RP1L1: variants seen among roughly 807,000 people sequenced by gnomAD.
The protein encoded by RP1L1 is RP1 like 1, also known as retinitis pigmentosa 1-like 1 protein.
In RP1L1, 27 loss-of-function variants were observed where a neutral mutation model predicts 15.7. That is an observed-to-expected ratio of 1.72 (90% CI 1.27 to 2.38). The LOEUF (loss-of-function observed/expected upper bound fraction) is 2.38, where lower values mean the gene tolerates loss of function less well. RP1L1 is among the 30% of genes most tolerant of loss of function. The probability of loss-of-function intolerance (pLI) is 0.00; values close to 1 mark genes in which losing one functional copy is unlikely to be tolerated. For missense variants in RP1L1, 4,798 were observed against 3,075.9 expected (o/e 1.56, Z -13.24); for synonymous variants, 1,813 against 1,276.7 (o/e 1.42, Z -8.96).
chr8:10,611,015 A>G lies in RP1L1; in HGVS notation c.3083T>C (p.Leu1028Pro). 2 of 1,612,692 alleles carry G rather than the reference A, an allele frequency of 1.2e-6. No homozygotes were observed. Among genetic ancestry groups the G allele is most frequent in the Non-Finnish European group, 1.7e-6 (2 of 1,179,962 alleles). ...GGGACCAGTGTCACTACTCCCCAGG[A>G]GGGCTCCCTCTGGCTCTGGGTCCTG... ...PGQDPEPEGA[L>P]LGSSDTGPQS... The change falls in exon 4 of 4, where the codon CTC (leucine) becomes CCC (proline). Residue 1028 changes from leucine to proline, a missense_variant. By Grantham distance (98) the Leu-to-Pro change is moderately conservative. Coordinates refer to ENST00000382483, the MANE Select transcript of RP1L1 (RefSeq NM_178857.6).
At chr8:10,631,407 G>A (rs28556730) in intron 1 of RP1L1, among the ~76,000 whole-genome samples, 25 of 121,024 alleles carry the variant, frequency 2.1e-4, no homozygotes, top group Admixed American at 3.1e-4. Context: ...GCACACACAC[G>A]CACACACGCA....
chr8:10,612,450 C>G lies in RP1L1; in HGVS notation c.1648G>C (p.Gly550Arg), dbSNP rs1395798175. Residue 550 changes from glycine to arginine, a missense_variant, in exon 4 of 4, where the codon GGG becomes CGG. By Grantham distance (125) the Gly-to-Arg change is moderately radical. Transcript: ENST00000382483. Reference protein sequence around the residue: ...GSHEGSSEWGGRPQGCPGKAR... With the variant: ...GSHEGSSEWGRRPQGCPGKAR... ...TTGCCTGGACAGCCCTGGGGCCGCC[C>G]ACCCCATTCGCTGGATCCCTCATGA... is the stretch of plus-strand genomic sequence containing the variant. 3.1e-6 allele frequency: 5 copies of G among 1,612,726 alleles called. No individual in the cohort carries two copies. Among genetic ancestry groups the G allele is most frequent in the Non-Finnish European group, 4.2e-6 (5 of 1,180,006 alleles).
chr8:10,623,157 C>G lies in RP1L1; in HGVS notation c.45G>C (p.Glu15Asp). The G allele has an allele frequency of 6.3e-7, 1 of 1,591,008 alleles. No individual in the cohort carries two copies. The highest frequency in any genetic ancestry group is 8.6e-7 in the Non-Finnish European group (1 of 1,167,350). Residue 15 changes from glutamate to aspartate, a missense_variant, in exon 2 of 4, where the codon GAG becomes GAC. Physicochemically the swap from Glu to Asp is conservative, Grantham distance 45. Transcript: ENST00000382483. ...PRNAQAPSHR[E>D]CFLPSVARTP... ...TGCGAGCCACAGAGGGCAGGAAGCA[C>G]TCACGGTGGCTCGGGGCCTGGGCAT...
At chr8:10,637,826 C>T (rs1011525282) in intron 1 of RP1L1, among the ~76,000 whole-genome samples, 5 of 152,210 alleles carry the variant, frequency 3.3e-5, no homozygotes, top group Non-Finnish European at 7.3e-5. Context: ...AATGGATCAG[C>T]TTCAAGATCA....
chr8:10,629,469 G>C (rs1000044667), intron 1 of RP1L1, among the ~76,000 whole-genome samples: 7 of 152,186 alleles, frequency 4.6e-5, no homozygotes, highest in Admixed American at 1.3e-4. Flanking sequence ...GGTCCTGGTG[G>C]AACTGGGAAT....
Position 10,606,955 on chromosome 8 carries a change from G to T in RP1L1, c.7143C>A (p.Leu2381=), listed in dbSNP as rs112520779. 279 of 1,614,230 alleles carry T rather than the reference G, an allele frequency of 1.7e-4. No individual in the cohort carries two copies. Among genetic ancestry groups the T allele is most frequent in the Non-Finnish European group, 2.2e-4 (263 of 1,180,052 alleles). The part of the protein sequence containing the change: ...DLQEDQALGS[L]APTEAVGRAD... ...CCCTGCCCACTGCCTCAGTGGGGGCGAGACTTCCGAGTGCCTGGTCCTCTT... is the reference window on the plus strand; with the variant it reads ...CCCTGCCCACTGCCTCAGTGGGGGCTAGACTTCCGAGTGCCTGGTCCTCTT... The change falls in exon 4 of 4, where the codon CTC becomes CTA. Residue 2381 remains leucine, a synonymous_variant. Transcript: ENST00000382483.
At chr8:10,622,415 A>C (rs1798074875) in intron 2 of RP1L1, among the ~76,000 whole-genome samples, 178 bp downstream of exon 2, 1 of 152,082 alleles carries the variant, frequency 6.6e-6, no homozygotes, top group South Asian at 2.1e-4. Flanking sequence ...AAAAACATGA[A>C]TCACAGCTGC....
In RP1L1 at chr8:10,622,625, C is replaced by T. The variant is rs1172048138; in HGVS notation, c.577G>A (p.Val193Met). 6.2e-7 allele frequency: 1 copy of T among 1,614,218 alleles called. No individual in the cohort carries two copies. The highest frequency in any genetic ancestry group is 1.1e-5 in the South Asian group (1 of 91,080). ...CCGCTGGTCGTGTACAACTGCTTCA[C>T]AGGAAAGCGCAGGAGATCTGAGGCT... ...GKASDLLRFP[V>M]KQLYTTSGKK... Residue 193 changes from valine to methionine, a missense_variant, in exon 2 of 4, where the codon GTG (valine) becomes ATG (methionine). Coordinates refer to ENST00000382483, the MANE Select transcript of RP1L1 (RefSeq NM_178857.6).
At chr8:10,644,044 T>C (rs1275837369) in intron 1 of RP1L1, among the ~76,000 whole-genome samples, 1 of 151,586 alleles carries the variant, frequency 6.6e-6, no homozygotes, top group Non-Finnish European at 1.5e-5. Context: ...CCGGGAGTGG[T>C]TTGGGAGGTG....
Position 10,610,608 on chromosome 8 carries a change from C to T in RP1L1, c.3490G>A (p.Gly1164Arg). The T allele has an allele frequency of 6.2e-7, 1 of 1,613,608 alleles. No individual in the cohort carries two copies. The highest frequency in any genetic ancestry group is 8.5e-7 in the Non-Finnish European group (1 of 1,180,026). ...AGGCCTGAGTCCAGCTGGTCTTCCC[C>T]AACGTCACATCCTGGCCACAGGTCC... ...SKDLWPGCDVGEDQLDSGLWE... is the reference protein window; with the variant it reads ...SKDLWPGCDVREDQLDSGLWE... Residue 1164 changes from glycine to arginine, a missense_variant, in exon 4 of 4, where the codon GGG (glycine) becomes AGG (arginine). By Grantham distance (125) the Gly-to-Arg change is moderately radical (BLOSUM62 -2). Coordinates refer to ENST00000382483, the MANE Select transcript of RP1L1 (RefSeq NM_178857.6).
intron 1 of RP1L1, among the ~76,000 whole-genome samples, chr8:10,653,739 C>A (rs1416574327): frequency 6.6e-6 from 1 of 152,202 alleles, no homozygotes. Context: ...AAGAGAGCAG[C>A]AGGCCTGTCT....
At chr8:10,651,254 C>T (rs1798555788) in intron 1 of RP1L1, among the ~76,000 whole-genome samples, 1 of 152,050 alleles carries the variant, frequency 6.6e-6, no homozygotes, top group African/African-American at 2.4e-5. Context: ...GGGGTGGAGC[C>T]CAGCAATCTG....
At position 10,606,671 on chromosome 8, in the gene RP1L1, C is replaced by T. The variant is rs533253516; in HGVS notation, c.*224G>A. ...TAACCGGGCAGATCCGCAGACACCC[C>T]CTTTCTTCACACTGCGTGTGGGACG... On this transcript the variant is annotated 3_prime_UTR_variant, in exon 4 of 4. Transcript: ENST00000382483. 1 of 689,090 alleles carries T rather than the reference C, an allele frequency of 1.5e-6. No homozygotes were observed. Among genetic ancestry groups the T allele is most frequent in the Non-Finnish European group, 2.3e-6 (1 of 425,746 alleles). The allele number at this position is 689,090 out of a possible 1,614,324, so 42.7% of individuals were successfully genotyped here.
rs767838109 is a variant in RP1L1, at chr8:10,610,965, C to T, written c.3133G>A (p.Gly1045Arg). The T allele has an allele frequency of 8.1e-6, 13 of 1,612,146 alleles. No individual in the cohort carries two copies. The highest frequency in any genetic ancestry group is 1.6e-4 in the Middle Eastern group (1 of 6,078). Residue 1045 changes from glycine (G) to arginine (R), a missense_variant, in exon 4 of 4, where the codon GGG (glycine) becomes AGG (arginine). By Grantham distance (125) the Gly-to-Arg change is moderately radical. Coordinates refer to ENST00000382483, the MANE Select transcript of RP1L1 (RefSeq NM_178857.6). ...GPQSGEGVPQGAAPEGVSEAP... is the reference protein window; with the variant it reads ...GPQSGEGVPQRAAPEGVSEAP... ...TCGGAAACTCCCTCTGGAGCTGCCCCTTGGGGGACACCCTCTCCTGATTGG... is the reference window on the plus strand; with the variant it reads ...TCGGAAACTCCCTCTGGAGCTGCCCTTTGGGGGACACCCTCTCCTGATTGG...
In RP1L1 at chr8:10,622,630, A is replaced by C; in HGVS notation, c.572T>G (p.Phe191Cys). ...GGTCGTGTACAACTGCTTCACAGGA[A>C]AGCGCAGGAGATCTGAGGCTTTGCC... ...FLGKASDLLRFPVKQLYTTSG... is the reference protein window; with the variant it reads ...FLGKASDLLRCPVKQLYTTSG... Residue 191 changes from phenylalanine (F) to cysteine (C), a missense_variant, in exon 2 of 4, where the codon TTT becomes TGT. Physicochemically the swap from Phe to Cys is radical, Grantham distance 205 (BLOSUM62 -2). Coordinates refer to ENST00000382483, the MANE Select transcript of RP1L1 (RefSeq NM_178857.6). 7 of 1,614,238 alleles carry C rather than the reference A, an allele frequency of 4.3e-6. No homozygotes were observed. The highest frequency in any genetic ancestry group is 2.2e-5 in the East Asian group (1 of 44,884).
rs1798522442 is a variant in RP1L1 at position 10,649,142 on chromosome 8, A to G, written c.-20+5756T>C. On this transcript the variant is annotated intron_variant, in intron 1 of 3. Transcript: ENST00000382483. ...GGATTCACCACTCCAGTGGATTCGC[A>G]AAGCTTTCACAGAGGAGGAAGCGTG... 2.6e-5 allele frequency among the ~76,000 whole-genome samples: 4 copies of G among 152,366 alleles called. No homozygotes were observed. The South Asian group carries it at 8.3e-4, about 32-fold the overall frequency.
At position 10,610,605 on chromosome 8, in the gene RP1L1, C is replaced by G. The variant is rs1797828570; in HGVS notation, c.3493G>C (p.Glu1165Gln). The stretch of plus-strand genomic sequence containing the variant: ...CAGAGGCCTGAGTCCAGCTGGTCTT[C>G]CCCAACGTCACATCCTGGCCACAGG... ...KDLWPGCDVG[E>Q]DQLDSGLWEL... Residue 1165 changes from glutamate to glutamine, a missense_variant, in exon 4 of 4, where the codon GAA becomes CAA. Transcript: ENST00000382483. The G allele has an allele frequency of 1.2e-6, 2 of 1,613,470 alleles. No individual in the cohort carries two copies. The highest frequency in any genetic ancestry group is 2.7e-5 in the African/African-American group (2 of 74,930).
intron 2 of RP1L1, among the ~76,000 whole-genome samples, chr8:10,619,361 G>A (rs981264273): frequency 2.0e-5 from 3 of 152,208 alleles, no homozygotes; most frequent in South Asian, 2.1e-4. Flanking sequence ...GATGCAGAGA[G>A]GCATGTGCCA....
chr8:10,616,735 T>C (rs1352365783), intron 2 of RP1L1, 148 bp from the exon 3 acceptor site: 16 of 889,964 alleles, frequency 1.8e-5, no homozygotes, highest in Non-Finnish European at 2.7e-5. Context: ...AGGGGTCTTA[T>C]CCACTCCCCA....
Sources: gnomAD v4.1 joint callset for allele counts (sites outside exome capture counted in the v4.1 genomes callset) on GRCh38, gnomAD v4.1.1 for gene constraint, MANE v1.5 for transcripts, NCBI Gene and HGNC (gene_info 2026-07-23, HGNC 2026-07-21) for gene names.